The following UBAP2 variants were observed in gnomAD, a reference collection of about 807,000 sequenced individuals.
UBAP2 encodes the protein ubiquitin-associated protein 2.
A neutral mutation model predicts 139.6 loss-of-function variants in UBAP2; 75 were observed. The observed-to-expected ratio is 0.54, with a 90% confidence interval of 0.45 to 0.65. The LOEUF (loss-of-function observed/expected upper bound fraction) is 0.65, where lower values mean the gene tolerates loss of function less well. Ranked by LOEUF, UBAP2 falls within the 30% of genes least tolerant of loss-of-function variation. The probability of loss-of-function intolerance (pLI) is 0.00; values close to 1 mark genes in which losing one functional copy is unlikely to be tolerated. For missense variants in UBAP2, 1,368 were observed against 1,369.6 expected (o/e 1.00, Z 0.02); for synonymous variants, 526 against 526.2 (o/e 1.00, Z 0.01).
intron 12 of UBAP2, among the ~76,000 whole-genome samples, chr9:33,949,427 G>C (rs952740938): frequency 1.3e-5 from 2 of 152,108 alleles, no homozygotes; most frequent in Non-Finnish European, 2.9e-5. Flanking sequence ...GTCAGGCTGG[G>C]CGCAGTGGCT....
chr9:33,922,378 C>A lies in UBAP2; in HGVS notation c.*126G>T. 1 of 910,026 alleles carries A rather than the reference C, an allele frequency of 1.1e-6. No individual in the cohort carries two copies. The highest frequency in any genetic ancestry group is 1.8e-6 in the Non-Finnish European group (1 of 566,924). 56.4% of individuals were successfully genotyped at this position (910,026 alleles called of 1,614,324 possible). On this transcript the variant is annotated 3_prime_UTR_variant, in exon 29 of 29. Coordinates refer to ENST00000379238, the MANE Select transcript of UBAP2 (RefSeq NM_001370062.2). ...AGTAGCCAGTCTGGGAGGCAGACTCCCCACAGAGGCATGGCTGACACATGT... is the reference window on the plus strand; with the variant it reads ...AGTAGCCAGTCTGGGAGGCAGACTCACCACAGAGGCATGGCTGACACATGT...
At chr9:34,037,161 T>G (rs1483110184) in intron 1 of UBAP2, among the ~76,000 whole-genome samples, 1 of 152,070 alleles carries the variant, frequency 6.6e-6, no homozygotes, top group Non-Finnish European at 1.5e-5. Flanking sequence ...GCTAATTTTT[T>G]GTATTTTTAA....
chr9:33,957,088 C>CAAA (rs1186605992), intron 10 of UBAP2, among the ~76,000 whole-genome samples: 5 of 121,930 alleles, frequency 4.1e-5, no homozygotes, highest in Non-Finnish European at 8.8e-5. Flanking sequence ...GATCCTGCCT[C>CAAA]AAAAAAAAAA....
At chr9:33,923,317 C>G (rs751985895) in intron 25 of UBAP2, 24 bp from the exon 26 acceptor site, 1 of 1,614,068 alleles carries the variant, frequency 6.2e-7, no homozygotes, top group Non-Finnish European at 8.5e-7. Flanking sequence ...GTACAAGAGG[C>G]AAGTGTGAGC....
intron 1 of UBAP2, among the ~76,000 whole-genome samples, chr9:34,043,151 A>G (rs1283416929): frequency 6.6e-6 from 1 of 152,136 alleles, no homozygotes; most frequent in Non-Finnish European, 1.5e-5. Context: ...TTTATGCCTC[A>G]TATATCATCT....
At chr9:33,968,486 A>G in intron 8 of UBAP2, 1 of 541,734 alleles carries the variant, frequency 1.8e-6, no homozygotes, top group South Asian at 1.5e-5. Flanking sequence ...GGGACATTTG[A>G]GCACTAATGG....
intron 8 of UBAP2, among the ~76,000 whole-genome samples, chr9:33,967,036 G>GTCT (rs1827519111): frequency 6.6e-6 from 1 of 151,698 alleles, no homozygotes; most frequent in South Asian, 2.1e-4. Context: ...TCTATTTATT[G>GTCT]TCTTCTTTAT....
At chr9:33,959,183 T>C (rs1212560132) in intron 10 of UBAP2, among the ~76,000 whole-genome samples, 1 of 152,160 alleles carries the variant, frequency 6.6e-6, no homozygotes, top group Admixed American at 6.5e-5. Flanking sequence ...ACTTATTTTT[T>C]ACAAGGTAAA....
At chr9:33,953,711 T>G (rs2130976865) in intron 11 of UBAP2, among the ~76,000 whole-genome samples, 1 of 152,106 alleles carries the variant, frequency 6.6e-6, no homozygotes, top group Middle Eastern at 3.4e-3. Flanking sequence ...ATTGAGAAAT[T>G]TTCAAAGTAA....
At chr9:34,040,695 A>T (rs1406428203) in intron 1 of UBAP2, among the ~76,000 whole-genome samples, 1 of 152,236 alleles carries the variant, frequency 6.6e-6, no homozygotes, top group Non-Finnish European at 1.5e-5. Context: ...TAAAAAGGCA[A>T]CATAAAATGT....
intron 19 of UBAP2, chr9:33,928,279 A>G (rs1823651462): frequency 2.8e-6 from 1 of 357,506 alleles, no homozygotes; most frequent in African/African-American, 2.1e-5. Flanking sequence ...CAAGTTGCTC[A>G]TGCTTGGCAT....
At chr9:33,978,614 A>T (rs1820365309) in intron 6 of UBAP2, among the ~76,000 whole-genome samples, 1 of 151,992 alleles carries the variant, frequency 6.6e-6, no homozygotes, top group Non-Finnish European at 1.5e-5. Flanking sequence ...CCCCATCTCT[A>T]CTAAAAATAC....
chr9:33,960,966 G>A, intron 9 of UBAP2, 88 bp from the exon 10 acceptor site: 1 of 1,325,374 alleles, frequency 7.5e-7, no homozygotes, highest in Admixed American at 1.7e-5. Context: ...TACTATGCGG[G>A]GAAAAAAGAT....
At position 33,950,259 on chromosome 9, in the gene UBAP2, G is replaced by C. The variant is rs1037129713; in HGVS notation, c.1057-1672C>G. Among the ~76,000 whole-genome samples the C allele has an allele frequency of 5.3e-5, 8 of 152,000 alleles. 1 individual carries two copies. The highest frequency in any genetic ancestry group is 2.0e-4 in the Admixed American group (3 of 15,244). ...TTGTTGTTGTTGTATTTTTAGTAGA[G>C]ACGGGGTTTCACCATGTTAGCCAGG... is the stretch of plus-strand genomic sequence containing the variant. On this transcript the variant is annotated intron_variant, in intron 12 of 28. Coordinates refer to ENST00000379238, the MANE Select transcript of UBAP2 (RefSeq NM_001370062.2).
At chr9:33,927,681 G>A (rs548620118) in intron 20 of UBAP2, 116 bp downstream of exon 20, 24 of 1,077,010 alleles carry the variant, frequency 2.2e-5, no homozygotes, top group Middle Eastern at 3.2e-4. Flanking sequence ...AGTGGAACAC[G>A]CAGCGCACTC....
chr9:34,046,753 T>C (rs1827637460), intron 1 of UBAP2, among the ~76,000 whole-genome samples: 1 of 151,538 alleles, frequency 6.6e-6, no homozygotes, highest in Admixed American at 6.6e-5. Context: ...AGAGGGTAGA[T>C]ACCGGGACCA....
intron 1 of UBAP2, among the ~76,000 whole-genome samples, chr9:34,025,982 C>G (rs1386903526): frequency 6.6e-6 from 1 of 152,188 alleles, no homozygotes; most frequent in African/African-American, 2.4e-5. Context: ...AAATGGTTGA[C>G]TTAACAACCA....
chr9:34,038,144 A>G (rs12553515), intron 1 of UBAP2, among the ~76,000 whole-genome samples: 32 of 2,272 alleles, frequency 0.014, no homozygotes, highest in Non-Finnish European at 0.024. Context: ...CCAGCCTGGG[A>G]AAAAAAAAAA....
At chr9:33,996,590 A>T (rs1822223216) in intron 3 of UBAP2, 1 of 418,536 alleles carries the variant, frequency 2.4e-6, no homozygotes, top group South Asian at 3.5e-5. Flanking sequence ...ATTAATCAGC[A>T]GCACACACAT....
Sources: allele counts gnomAD v4.1 joint callset (sites outside exome capture counted in the v4.1 genomes callset), GRCh38; gene constraint gnomAD v4.1.1; transcripts MANE v1.5; gene names NCBI Gene and HGNC (gene_info 2026-07-23, HGNC 2026-07-21).